ALDH1A3: variants seen among roughly 807,000 people sequenced by gnomAD.
ALDH1A3 encodes the protein retinaldehyde dehydrogenase 3.
In ALDH1A3, 28 loss-of-function variants were observed where a neutral mutation model predicts 57.5. The observed-to-expected ratio is 0.49, with a 90% CI of 0.36 to 0.67. The LOEUF is 0.67. ALDH1A3 is among the 30% of genes least tolerant of loss of function. The probability of loss-of-function intolerance (pLI) is 0.00; values close to 1 mark genes in which losing one functional copy is unlikely to be tolerated. For missense variants in ALDH1A3, 507 were observed against 669.4 expected, an observed-to-expected ratio of 0.76 and a Z score of 2.68; for synonymous variants, 281 against 264.8, an observed-to-expected ratio of 1.06 and a Z score of -0.59.
At chr15:100,910,345 C>T (rs2041870465) in intron 12 of ALDH1A3, among the ~76,000 whole-genome samples, 2 of 152,228 alleles carry the variant, frequency 1.3e-5, no homozygotes, top group Non-Finnish European at 2.9e-5. Context: ...TTCTGTGAGC[C>T]CCTGCTTCAT....
Position 100,906,096 on chromosome 15 carries a change from C to T in ALDH1A3, c.1233+409C>T, listed in dbSNP as rs1434584781. 6.6e-6 allele frequency among the ~76,000 whole-genome samples: 1 copy of T among 152,188 alleles called. No individual in the cohort carries two copies. The highest frequency in any genetic ancestry group is 2.4e-5 in the African/African-American group (1 of 41,444). On this transcript the variant is annotated intron_variant, in intron 10 of 12. Transcript: ENST00000329841. The surrounding 1 kb of genome is among the most constrained non-coding windows in gnomAD (Gnocchi z 4.8). ...GAACCTGTGGATTCAGGGCCCAAAG[C>T]CGCCTTCAGTGCCCCTAGACTGAAT... is the stretch of plus-strand genomic sequence containing the variant.
rs1277712360 is a variant in ALDH1A3, at chr15:100,889,787, C to G, written c.345+2075C>G. On this transcript the variant is annotated intron_variant, in intron 3 of 12. Transcript: ENST00000329841. The surrounding 1 kb of genome is among the most constrained non-coding windows in gnomAD (Gnocchi z 5.1). Reference sequence around the variant, plus strand: ...CTCAGAATGCAAACCCAGCAAATCACTTCTGCCACTGGCACCTCGCAGCCC... The same window carrying G: ...CTCAGAATGCAAACCCAGCAAATCAGTTCTGCCACTGGCACCTCGCAGCCC... Among the ~76,000 whole-genome samples the G allele has an allele frequency of 6.6e-6, 1 of 152,250 alleles. No individual in the cohort carries two copies. Among genetic ancestry groups the G allele is most frequent in the African/African-American group, 2.4e-5 (1 of 41,464 alleles).
At chr15:100,904,244 T>A (rs1269671230) in intron 9 of ALDH1A3, among the ~76,000 whole-genome samples, 1 of 152,176 alleles carries the variant, frequency 6.6e-6, no homozygotes, top group African/African-American at 2.4e-5. Flanking sequence ...TTAGTATTTT[T>A]AAACTGGGTT....
Position 100,914,796 on chromosome 15 carries a change from C to T in ALDH1A3, c.*23C>T, listed in dbSNP as rs1476931711. The T allele has an allele frequency of 3.7e-6, 6 of 1,611,144 alleles. No homozygotes were observed. The highest frequency in any genetic ancestry group is 1.7e-6 in the Non-Finnish European group (2 of 1,177,806). ...TGAAGGAAAGGCGGGGCTCCTTCCT[C>T]AAACATCGGACGGCGGAATGTGGCA... is the stretch of plus-strand genomic sequence containing the variant. On this transcript the variant is annotated 3_prime_UTR_variant, in exon 13 of 13. Transcript: ENST00000329841.
chr15:100,898,238 TC>T, intron 8 of ALDH1A3, 53 bp downstream of exon 8: 1 of 1,482,706 alleles, frequency 6.7e-7, no homozygotes, highest in Non-Finnish European at 9.4e-7. Flanking sequence ...TCCATCTGTC[TC>T]CCCCTACTTC....
chr15:100,904,077 C>T (rs1165301739), intron 9 of ALDH1A3, among the ~76,000 whole-genome samples: 2 of 152,198 alleles, frequency 1.3e-5, no homozygotes, highest in African/African-American at 4.8e-5. Context: ...GATAAGTCTC[C>T]CACATATAAA....
chr15:100,902,039 C>T (rs575796367), intron 9 of ALDH1A3, among the ~76,000 whole-genome samples: 9 of 152,326 alleles, frequency 5.9e-5, no homozygotes, highest in East Asian at 5.8e-4. Context: ...CAGATCTGAA[C>T]GCAAACATGA....
chr15:100,909,101 CCCCT>C (rs1484922747), intron 12 of ALDH1A3, among the ~76,000 whole-genome samples: 23 of 143,668 alleles, frequency 1.6e-4, no homozygotes, highest in Non-Finnish European at 3.3e-4. Flanking sequence ...CCACTGCAAA[CCCCT>C]CCGTGCGTGT....
intron 9 of ALDH1A3, among the ~76,000 whole-genome samples, chr15:100,904,350 G>A (rs2141567427): frequency 6.6e-6 from 1 of 152,278 alleles, no homozygotes; most frequent in South Asian, 2.1e-4. Flanking sequence ...GTGAGGTATG[G>A]ATCTGAGTTA....
At chr15:100,909,230 A>G (rs1204650021) in intron 12 of ALDH1A3, among the ~76,000 whole-genome samples, 1 of 88,324 alleles carries the variant, frequency 1.1e-5, no homozygotes, top group Non-Finnish European at 2.3e-5. Context: ...GTGCATGTAA[A>G]CCCACTGCAA....
At chr15:100,884,454 A>G (rs1023921955) in intron 1 of ALDH1A3, among the ~76,000 whole-genome samples, 12 of 152,166 alleles carry the variant, frequency 7.9e-5, no homozygotes, top group Admixed American at 7.9e-4. Context: ...TGCGGGTTAT[A>G]TAAACAGTTA....
rs916778934 is a variant in ALDH1A3, at chr15:100,887,845, A to G, written c.345+133A>G. On this transcript the variant is annotated intron_variant, in intron 3 of 12. Coordinates refer to ENST00000329841, the MANE Select transcript of ALDH1A3 (RefSeq NM_000693.4). The surrounding 1 kb of genome is among the most constrained non-coding windows in gnomAD (Gnocchi z 4.6). ...GTGGGTCTGTTCCATCCTCTGAGACACGGCTCTCTGGCAATACTTGCAGGT... is the reference window on the plus strand; with the variant it reads ...GTGGGTCTGTTCCATCCTCTGAGACGCGGCTCTCTGGCAATACTTGCAGGT... The G allele has an allele frequency of 8.8e-6, 10 of 1,131,078 alleles. No homozygotes were observed. The highest frequency in any genetic ancestry group is 1.2e-6 in the Non-Finnish European group (1 of 844,060). 70.1% of individuals were successfully genotyped at this position (1,131,078 alleles called of 1,614,324 possible).
At chr15:100,885,470 C>G (rs1242388394) in intron 2 of ALDH1A3, 99 bp downstream of exon 2, 1 of 878,068 alleles carries the variant, frequency 1.1e-6, no homozygotes, top group African/African-American at 1.7e-5. Flanking sequence ...ACTGGCCTAT[C>G]CTGGGGGCAG....
intron 9 of ALDH1A3, among the ~76,000 whole-genome samples, chr15:100,902,912 C>A (rs778347804): frequency 3.9e-5 from 6 of 152,210 alleles, no homozygotes; most frequent in Non-Finnish European, 8.8e-5. Flanking sequence ...GGAGGACCTG[C>A]GGTTGGGCGA....
At position 100,907,253 on chromosome 15, in the gene ALDH1A3, T is replaced by G; in HGVS notation, c.1366T>G (p.Ser456Ala). The change falls in exon 11 of 13, where the codon TCT (serine) becomes GCT (alanine). Residue 456 changes from serine (S) to alanine (A), a missense_variant. This residue lies in a region of ALDH1A3 where 432 missense variants were observed against 608.4 expected (regional missense o/e 0.71). Transcript: ENST00000329841. Reference sequence around the variant, plus strand: ...TCTCGACAAAGCCCTGAAGTTGGCTTCTGCCTTAGAGTCTGGAACGGTCTG... The same window carrying G: ...TCTCGACAAAGCCCTGAAGTTGGCTGCTGCCTTAGAGTCTGGAACGGTCTG... ...KNLDKALKLASALESGTVWIN... is the reference protein window; with the variant it reads ...KNLDKALKLAAALESGTVWIN... The G allele has an allele frequency of 6.2e-7, 1 of 1,614,248 alleles. No individual in the cohort carries two copies. The highest frequency in any genetic ancestry group is 1.1e-5 in the South Asian group (1 of 91,088).
intron 11 of ALDH1A3, among the ~76,000 whole-genome samples, chr15:100,907,844 C>CTTTCT (rs2041838523): frequency 1.7e-4 from 14 of 81,916 alleles, no homozygotes; most frequent in East Asian, 4.3e-4. Context: ...TTCTTTCTTT[C>CTTTCT]TTTTTTTTTT....
chr15:100,887,548 C>T lies in ALDH1A3; in HGVS notation c.205-24C>T. On this transcript the variant is annotated intron_variant, in intron 2 of 12. Coordinates refer to ENST00000329841, the MANE Select transcript of ALDH1A3 (RefSeq NM_000693.4). The surrounding 1 kb of genome is among the most constrained non-coding windows in gnomAD (Gnocchi z 4.6). ...CAGTCACGTCAAAAGATGACAGTCT[C>T]TCTCTGTTGTTCTGGTCGCTCAGCC... 1 of 1,535,738 alleles carries T rather than the reference C, an allele frequency of 6.5e-7. No homozygotes were observed. Among genetic ancestry groups the T allele is most frequent in the South Asian group, 1.2e-5 (1 of 80,770 alleles).
chr15:100,879,867 C>T lies in ALDH1A3; in HGVS notation c.-41C>T, dbSNP rs1025245765. 3.0e-6 allele frequency: 4 copies of T among 1,316,090 alleles called. No individual in the cohort carries two copies. The African/African-American group carries it at 4.6e-5, about 15-fold the overall frequency. The allele number at this position is 1,316,090 out of a possible 1,614,324, so 81.5% of individuals were successfully genotyped here. On this transcript the variant is annotated 5_prime_UTR_variant, in exon 1 of 13. Transcript: ENST00000329841. Reference sequence around the variant, plus strand: ...CAGTGTCCGGGCCGAGCCGGTGCGCCGCAGACTAGGGCGCCTCGGGCCAGG... The same window carrying T: ...CAGTGTCCGGGCCGAGCCGGTGCGCTGCAGACTAGGGCGCCTCGGGCCAGG...
intron 11 of ALDH1A3, 75 bp downstream of exon 11, chr15:100,907,353 G>C: frequency 6.6e-7 from 1 of 1,507,248 alleles, no homozygotes; most frequent in Non-Finnish European, 9.1e-7. Context: ...TATTAACTGA[G>C]AGTTTCTCAT....
Sources: allele counts gnomAD v4.1 joint callset (sites outside exome capture counted in the v4.1 genomes callset), GRCh38; gene constraint gnomAD v4.1.1; regional missense constraint gnomAD v4.1.1; non-coding constraint Gnocchi (gnomAD v3.1); transcripts MANE v1.5; gene names NCBI Gene and HGNC (gene_info 2026-07-23, HGNC 2026-07-21).